The following ELFN1 variants were observed in gnomAD, a reference collection of about 807,000 sequenced individuals.
ELFN1 encodes protein ELFN1.
In ELFN1, 6 loss-of-function variants were observed where a neutral mutation model predicts 7.6. That is an observed-to-expected ratio of 0.79 (90% CI 0.43 to 1.56). The LOEUF (loss-of-function observed/expected upper bound fraction) is 1.56, where lower values mean the gene tolerates loss of function less well. Among genes scored for constraint, ELFN1 ranks in the 40% most tolerant of loss-of-function variants. ELFN1 has a pLI of 0.01. For synonymous variants in ELFN1, 657 were observed against 588.1 expected, an observed-to-expected ratio of 1.12 and a Z score of -1.70; for missense variants, 1,169 against 1,232.2, an observed-to-expected ratio of 0.95 and a Z score of 0.77.
At position 1,710,891 on chromosome 7, in the gene ELFN1, A is replaced by G. The variant is rs565935687; in HGVS notation, c.-294+1639A>G. Among the ~76,000 whole-genome samples the G allele has an allele frequency of 7.9e-5, 12 of 152,334 alleles. No individual in the cohort carries two copies. In the South Asian group the frequency reaches 2.5e-3, roughly 32 times the overall value. On this transcript the variant is annotated intron_variant, in intron 3 of 3. Coordinates refer to ENST00000424383, the MANE Select transcript of ELFN1 (RefSeq NM_001128636.4). ...AACCCAACTTTCTCATTTATAGATA[A>G]GGAACTTGAAGCCCAGAGAAGGGAA...
rs1491248596 is a variant in ELFN1 at position 1,670,911 on chromosome 7, CCT to C, written c.-549+558_-549+559del. Among the ~76,000 whole-genome samples the C allele has an allele frequency of 6.6e-6, 1 of 152,026 alleles. No individual in the cohort carries two copies. The highest frequency in any genetic ancestry group is 1.5e-5 in the Non-Finnish European group (1 of 67,978). On this transcript the variant is annotated intron_variant, in intron 1 of 3. Transcript: ENST00000424383. The surrounding 1 kb of genome is among the most constrained non-coding windows in gnomAD (Gnocchi z 6.4). ...GGGGTCACATTCCTCGGTCCCAGCCCCTGAGTCCAACCACTGGCGGGGGGGTG... is the reference window on the plus strand; with the variant it reads ...GGGGTCACATTCCTCGGTCCCAGCCCGAGTCCAACCACTGGCGGGGGGGTG...
intron 3 of ELFN1, among the ~76,000 whole-genome samples, chr7:1,719,448 G>A (rs1033737046): frequency 6.6e-6 from 1 of 152,168 alleles, no homozygotes; most frequent in East Asian, 1.9e-4. Flanking sequence ...AGGCAGCCCC[G>A]TCTAATTCCC....
intron 3 of ELFN1, among the ~76,000 whole-genome samples, chr7:1,727,165 T>TCAA: frequency 6.6e-6 from 1 of 152,024 alleles, no homozygotes; most frequent in Non-Finnish European, 1.5e-5. Flanking sequence ...AAATACCAAG[T>TCAA]GAATGAATGA....
chr7:1,686,059 CTTTTT>C lies in ELFN1; in HGVS notation c.-548-1993_-548-1989del, dbSNP rs139225517. Among the ~76,000 whole-genome samples, 3 of 147,100 alleles carry C rather than the reference CTTTTT, an allele frequency of 2.0e-5. No individual in the cohort carries two copies. In the South Asian group the frequency reaches 6.4e-4, roughly 31 times the overall value. The stretch of plus-strand genomic sequence containing the variant: ...GACACTCAGTGACGGTTTCCATTGA[CTTTTT>C]TTTTTCTGAGTATGGGTCACCCTTT... On this transcript the variant is annotated intron_variant, in intron 1 of 3. Coordinates refer to ENST00000424383, the MANE Select transcript of ELFN1 (RefSeq NM_001128636.4).
chr7:1,716,089 G>A (rs1779822642), intron 3 of ELFN1, among the ~76,000 whole-genome samples: 1 of 152,236 alleles, frequency 6.6e-6, no homozygotes, highest in African/African-American at 2.4e-5. Flanking sequence ...GGGGGTGAGG[G>A]TCTGTGAGTA....
At chr7:1,726,711 G>A (rs1012571935) in intron 3 of ELFN1, among the ~76,000 whole-genome samples, 1 of 152,186 alleles carries the variant, frequency 6.6e-6, no homozygotes, top group East Asian at 1.9e-4. Context: ...CCAGAGGCAC[G>A]GCAAGGGTGT....
intron 1 of ELFN1, among the ~76,000 whole-genome samples, chr7:1,674,837 G>A (rs1267494500): frequency 6.6e-6 from 1 of 152,132 alleles, no homozygotes; most frequent in Non-Finnish European, 1.5e-5. Context: ...AGGAGGCACA[G>A]CCGGGCGGGA....
chr7:1,693,751 A>C (rs1347553528), intron 2 of ELFN1: 2 of 470,912 alleles, frequency 4.2e-6, no homozygotes, highest in African/African-American at 4.0e-5. Flanking sequence ...ACCCCAGAGC[A>C]GGTGTCTGGG....
At position 1,744,389 on chromosome 7, in the gene ELFN1, G is replaced by A; in HGVS notation, c.-208G>A. On this transcript the variant is annotated 5_prime_UTR_variant, in exon 4 of 4. Transcript: ENST00000424383. ...GGAGGCCTCGGTCACCACAGGACTG[G>A]GGCGGAAGACGAGAGGCGGCCGGCC... 1.8e-6 allele frequency: 1 copy of A among 564,322 alleles called. No homozygotes were observed. Among genetic ancestry groups the A allele is most frequent in the East Asian group, 3.2e-5 (1 of 30,852 alleles). The allele number at this position is 564,322 out of a possible 1,614,324, so 35.0% of individuals were successfully genotyped here.
At chr7:1,706,755 G>C (rs1402041421) in intron 2 of ELFN1, among the ~76,000 whole-genome samples, 2 of 152,242 alleles carry the variant, frequency 1.3e-5, no homozygotes, top group African/African-American at 4.8e-5. Context: ...GGCCTGGCTG[G>C]CTTCTACAGG....
At chr7:1,666,792 C>G (rs924280641), upstream of ELFN1, among the ~76,000 whole-genome samples, 10 of 151,570 alleles carry the variant, frequency 6.6e-5, no homozygotes, top group Admixed American at 2.0e-4. The surrounding 1 kb of genome is among the most constrained non-coding windows in gnomAD (Gnocchi z 7.9). Context: ...GCAAAGCCGG[C>G]GTGGGGGGGC....
intron 2 of ELFN1, among the ~76,000 whole-genome samples, chr7:1,700,660 C>T (rs1779407194): frequency 6.6e-6 from 1 of 152,204 alleles, no homozygotes; most frequent in Non-Finnish European, 1.5e-5. Flanking sequence ...CTGAGGTTTA[C>T]ACCCCAGAGA....
rs898239611 is a variant in ELFN1 at position 1,735,508 on chromosome 7, G to A, written c.-293-8796G>A. Among the ~76,000 whole-genome samples, 2 of 152,106 alleles carry A rather than the reference G, an allele frequency of 1.3e-5. No homozygotes were observed. Reference sequence around the variant, plus strand: ...CAACCCTGCGGCCATGTCCCCAGGAGCCAGCCCCGCCGAGTCAGCCCTCCC... The same window carrying A: ...CAACCCTGCGGCCATGTCCCCAGGAACCAGCCCCGCCGAGTCAGCCCTCCC... On this transcript the variant is annotated intron_variant, in intron 3 of 3. Coordinates refer to ENST00000424383, the MANE Select transcript of ELFN1 (RefSeq NM_001128636.4). The surrounding 1 kb of genome is among the most constrained non-coding windows in gnomAD (Gnocchi z 5.9).
upstream of ELFN1, among the ~76,000 whole-genome samples, chr7:1,667,257 G>A (rs1778685588): frequency 6.6e-6 from 1 of 152,052 alleles, no homozygotes; most frequent in Non-Finnish European, 1.5e-5. This position sits in a 1 kb window ranked among gnomAD's most constrained non-coding sequence, Gnocchi z 8.2. Flanking sequence ...CGAGTCCCCG[G>A]GGCCAGGCTG....
chr7:1,746,014 C>G lies in ELFN1; in HGVS notation c.1418C>G (p.Pro473Arg), dbSNP rs1562392209. ...KKTIIELKYG[P>R]ELEAPGLAPL... ...ACCATCATCGAGCTCAAGTACGGGC[C>G]AGAGCTGGAGGCGCCCGGCCTGGCC... Residue 473 changes from proline (P) to arginine (R), a missense_variant, in exon 4 of 4, where the codon CCA (proline) becomes CGA (arginine). Pro to Arg is a moderately radical substitution (Grantham distance 103). Transcript: ENST00000424383. 6.5e-7 allele frequency: 1 copy of G among 1,544,586 alleles called. No homozygotes were observed.
At chr7:1,675,058 A>G (rs1562355072) in intron 1 of ELFN1, among the ~76,000 whole-genome samples, 1 of 152,098 alleles carries the variant, frequency 6.6e-6, no homozygotes, top group East Asian at 1.9e-4. Flanking sequence ...CTCAGCTGGG[A>G]GAGTGCCCTG....
chr7:1,666,894 G>A (rs1449945909), upstream of ELFN1, among the ~76,000 whole-genome samples: 3 of 151,776 alleles, frequency 2.0e-5, no homozygotes, highest in African/African-American at 7.3e-5. This position sits in a 1 kb window ranked among gnomAD's most constrained non-coding sequence, Gnocchi z 7.9. Flanking sequence ...TCTGCCGACC[G>A]CTGCGGAGCT....
chr7:1,708,195 C>G (rs1371368290), intron 2 of ELFN1, among the ~76,000 whole-genome samples: 1 of 152,220 alleles, frequency 6.6e-6, no homozygotes, highest in African/African-American at 2.4e-5. Flanking sequence ...CTGTGCGACC[C>G]TGGCAGGACG....
chr7:1,675,657 G>A (rs1022208321), intron 1 of ELFN1, among the ~76,000 whole-genome samples: 5 of 152,196 alleles, frequency 3.3e-5, no homozygotes, highest in African/African-American at 7.2e-5. Flanking sequence ...GGGGGCCGTC[G>A]GGGGGCTCCC....
Sources: allele counts gnomAD v4.1 joint callset (sites outside exome capture counted in the v4.1 genomes callset), GRCh38; gene constraint gnomAD v4.1.1; non-coding constraint Gnocchi (gnomAD v3.1); transcripts MANE v1.5; gene names NCBI Gene and HGNC (gene_info 2026-07-23, HGNC 2026-07-21).